Variants in RASGRP1 observed in about 807,000 individuals in gnomAD.
The protein encoded by RASGRP1 is RAS guanyl-releasing protein 1.
A neutral mutation model predicts 95.1 loss-of-function variants in RASGRP1; 37 were observed. The observed-to-expected ratio is 0.39, with a 90% CI of 0.30 to 0.51. RASGRP1 has a LOEUF of 0.51. Ranked by LOEUF, RASGRP1 falls within the 20% of genes least tolerant of loss-of-function variation. RASGRP1 has a pLI of 0.80. For synonymous variants in RASGRP1, 325 were observed against 353.4 expected (o/e 0.92, Z 0.90); for missense variants, 711 against 965.4 (o/e 0.74, Z 3.49).
chr15:38,502,198 T>C (rs983302177), intron 12 of RASGRP1, 114 bp downstream of exon 12: 3 of 737,992 alleles, frequency 4.1e-6, no homozygotes, highest in Non-Finnish European at 6.7e-6. Context: ...GTCTGTTCTT[T>C]AAGTGATCAC....
chr15:38,542,797 T>C (rs1892918102), intron 2 of RASGRP1, among the ~76,000 whole-genome samples: 1 of 148,448 alleles, frequency 6.7e-6, no homozygotes, highest in African/African-American at 2.5e-5. Context: ...TATACTAGCA[T>C]AAAATGAAGT....
chr15:38,507,320 G>A (rs1184267374), intron 9 of RASGRP1, among the ~76,000 whole-genome samples: 1 of 146,018 alleles, frequency 6.8e-6, no homozygotes, highest in African/African-American at 2.5e-5. Flanking sequence ...ATAACCCTGG[G>A]TGTTTTTTGT....
chr15:38,535,716 A>AT (rs1892618325), intron 2 of RASGRP1, among the ~76,000 whole-genome samples: 1 of 152,160 alleles, frequency 6.6e-6, no homozygotes. Flanking sequence ...AATGACCTAG[A>AT]TTTTTTGGAT....
intron 2 of RASGRP1, among the ~76,000 whole-genome samples, chr15:38,541,155 C>T (rs1170756254): frequency 6.6e-6 from 1 of 152,214 alleles, no homozygotes; most frequent in African/African-American, 2.4e-5. Flanking sequence ...AGTACTTTCA[C>T]ATGCATTATC....
intron 10 of RASGRP1, chr15:38,503,694 G>T: frequency 3.4e-6 from 1 of 296,302 alleles, no homozygotes; most frequent in Non-Finnish European, 6.2e-6. Context: ...GAGTAAAGTG[G>T]ATCATTTATG....
Position 38,502,562 on chromosome 15 carries a change from A to G in RASGRP1, c.1429-141T>C, listed in dbSNP as rs570186530. 1.1e-3 allele frequency: 655 copies of G among 610,222 alleles called. 13 individuals carry two copies. Among genetic ancestry groups the G allele is most frequent in the South Asian group, 9.4e-3 (464 of 49,522 alleles). 37.8% of individuals were successfully genotyped at this position (610,222 alleles called of 1,614,324 possible). A position where few individuals can be genotyped will look rare whatever the true frequency, so the allele number is the denominator to read the frequency against. On this transcript the variant is annotated intron_variant, in intron 11 of 16. Coordinates refer to ENST00000310803, the MANE Select transcript of RASGRP1 (RefSeq NM_005739.4). ...GAGGAACAGGGAAACCTGCTCCTTT[A>G]GCTGTGGCAAAGATGTGGCAGGTCA...
In RASGRP1 at chr15:38,489,797, G is replaced by T. The variant is rs571647289; in HGVS notation, c.*757C>A. 42 of 151,748 alleles carry T rather than the reference G, an allele frequency of 2.8e-4. No individual in the cohort carries two copies. The highest frequency in any genetic ancestry group is 5.2e-4 in the Non-Finnish European group (35 of 67,822). The allele number at this position is 151,748 out of a possible 1,614,324, so 9.4% of individuals were successfully genotyped here. ...AATATATAAGGACAAACATGTTTGC[G>T]TTATGTTTATTTTAATTAGACAGTA... On this transcript the variant is annotated 3_prime_UTR_variant, in exon 17 of 17. Transcript: ENST00000310803.
At chr15:38,501,863 T>TG (rs1187034855) in intron 12 of RASGRP1, among the ~76,000 whole-genome samples, 1 of 151,772 alleles carries the variant, frequency 6.6e-6, no homozygotes, top group Non-Finnish European at 1.5e-5. Context: ...TTTTGTTTTT[T>TG]TTTTTTTTGA....
chr15:38,541,832 T>C (rs8032939), intron 2 of RASGRP1, among the ~76,000 whole-genome samples: 61,590 of 151,890 alleles, frequency 0.41, 15,084 homozygotes, highest in African/African-American at 0.68. Flanking sequence ...CTACAGTACA[T>C]GGTACAGTCA....
At position 38,503,341 on chromosome 15, in the gene RASGRP1, G is replaced by C. The variant is rs770578649; in HGVS notation, c.1359C>G (p.Asp453Glu). The C allele has an allele frequency of 3.7e-6, 6 of 1,612,336 alleles. No homozygotes were observed. In the East Asian group the frequency reaches 1.3e-4, roughly 36 times the overall value. The change falls in exon 11 of 17, where the codon GAC becomes GAG. Residue 453 changes from aspartate (D) to glutamate (E), a missense_variant. Asp to Glu is a conservative substitution (Grantham distance 45). Coordinates refer to ENST00000310803, the MANE Select transcript of RASGRP1 (RefSeq NM_005739.4). ...GTTTGGGAGACACTCCAGAAGCCCA[G>C]TCCACTACTACTGGTGGCTTTGAAG... The part of the protein sequence containing the change: ...LTPSKPPVVV[D>E]WASGVSPKPD...
intron 6 of RASGRP1, among the ~76,000 whole-genome samples, chr15:38,515,788 C>A (rs959452473): frequency 6.7e-5 from 9 of 134,798 alleles, no homozygotes; most frequent in Non-Finnish European, 1.3e-4. Flanking sequence ...ACCCCCCCCC[C>A]TTTTTTTTTT....
At chr15:38,511,398 T>A (rs1454429142) in intron 8 of RASGRP1, among the ~76,000 whole-genome samples, 1 of 152,212 alleles carries the variant, frequency 6.6e-6, no homozygotes, top group Admixed American at 6.5e-5. Flanking sequence ...TGACACTGTC[T>A]GAGGCCAGAC....
At chr15:38,501,432 G>A (rs1165512200) in intron 12 of RASGRP1, 145 bp from the exon 13 acceptor site, 2 of 928,524 alleles carry the variant, frequency 2.2e-6, no homozygotes, top group Non-Finnish European at 3.4e-6. Flanking sequence ...TACTTCCATG[G>A]GCCCTACTCT....
At chr15:38,502,824 C>T (rs1351251022) in intron 11 of RASGRP1, 4 of 227,650 alleles carry the variant, frequency 1.8e-5, no homozygotes, top group South Asian at 8.6e-5. Flanking sequence ...TGTTTCTCAC[C>T]GTTACGCTCT....
At position 38,557,291 on chromosome 15, in the gene RASGRP1, G is replaced by C. The variant is rs549322193; in HGVS notation, c.220+2530C>G. On this transcript the variant is annotated intron_variant, in intron 2 of 16. Coordinates refer to ENST00000310803, the MANE Select transcript of RASGRP1 (RefSeq NM_005739.4). ...ATAGATGGGTCAACTGATAACCAAA[G>C]AGCAAGAAGAGAGACAGACAAAAGG... 2.6e-5 allele frequency among the ~76,000 whole-genome samples: 4 copies of C among 152,274 alleles called. No individual in the cohort carries two copies. In the East Asian group the frequency reaches 7.7e-4, roughly 29 times the overall value.
At chr15:38,508,043 G>C (rs536750931) in intron 8 of RASGRP1, 42 bp from the exon 9 acceptor site, 2 of 1,554,632 alleles carry the variant, frequency 1.3e-6, no homozygotes, top group East Asian at 4.8e-5. Flanking sequence ...CCGCTAGGCA[G>C]TGTGCATTGT....
Position 38,494,746 on chromosome 15 carries a change from G to A in RASGRP1, c.1895C>T (p.Thr632Ile). ...LLHAPEEGPFTFPNGEAVEHG... is the reference protein window; with the variant it reads ...LLHAPEEGPFIFPNGEAVEHG... ...TTCCACAGCCTCCCCATTAGGGAAT[G>A]TAAAAGGTCCTTCCTCAGGTGCTGT... The change falls in exon 16 of 17, where the codon ACA (threonine) becomes ATA (isoleucine). Residue 632 changes from threonine (T) to isoleucine (I), a missense_variant. Transcript: ENST00000310803. 1.3e-6 allele frequency: 2 copies of A among 1,503,824 alleles called. No homozygotes were observed. The highest frequency in any genetic ancestry group is 1.8e-6 in the Non-Finnish European group (2 of 1,129,198). The allele number at this position is 1,503,824 out of a possible 1,614,324, so 93.2% of individuals were successfully genotyped here.
intron 2 of RASGRP1, among the ~76,000 whole-genome samples, chr15:38,544,497 C>T (rs542601138): frequency 6.6e-6 from 1 of 152,262 alleles, no homozygotes; most frequent in Admixed American, 6.5e-5. Flanking sequence ...GAGGGGTTCA[C>T]CCTCATGAAT....
chr15:38,493,038 G>A (rs1253047434), intron 16 of RASGRP1, among the ~76,000 whole-genome samples: 3 of 151,638 alleles, frequency 2.0e-5, no homozygotes, highest in Admixed American at 1.3e-4. Flanking sequence ...CCATTACCAC[G>A]CCTGGCTAAT....
Sources: allele counts gnomAD v4.1 joint callset (sites outside exome capture counted in the v4.1 genomes callset), GRCh38; gene constraint gnomAD v4.1.1; transcripts MANE v1.5; gene names NCBI Gene and HGNC (gene_info 2026-07-23, HGNC 2026-07-21).